POLQ: variants seen among roughly 807,000 people sequenced by gnomAD.
The protein encoded by POLQ is DNA polymerase theta.
Under a neutral mutation model 259.2 loss-of-function variants are expected in POLQ, and 233 were observed. The observed-to-expected ratio is 0.90, with a 90% CI of 0.81 to 1.00. The LOEUF is 1.00. Ranked by LOEUF, POLQ falls within the 50% of genes least tolerant of loss-of-function variation. The probability of loss-of-function intolerance (pLI) is 0.00; values close to 1 mark genes in which losing one functional copy is unlikely to be tolerated. For synonymous variants in POLQ, 1,025 were observed against 1,048.8 expected (o/e 0.98, Z 0.44); for missense variants, 2,871 against 3,051.6 (o/e 0.94, Z 1.39).
In POLQ at chr3:121,476,617, G is replaced by A; in HGVS notation, c.6328C>T (p.Leu2110=). 6.2e-7 allele frequency: 1 copy of A among 1,613,836 alleles called. No homozygotes were observed. ...TAGGCCTGGGTCTCAATTGCATCCAGCTTGGCTTGCATTATATGTTTCTGA... is the reference window on the plus strand; with the variant it reads ...TAGGCCTGGGTCTCAATTGCATCCAACTTGGCTTGCATTATATGTTTCTGA... ...ESQKHIMQAK[L]DAIETQAYQL... The change falls in exon 20 of 30, where the codon CTG becomes TTG. Residue 2110 remains leucine (L), a synonymous_variant. Transcript: ENST00000264233.
At chr3:121,513,615 A>G (rs1004389585) in intron 9 of POLQ, among the ~76,000 whole-genome samples, 1 of 149,164 alleles carries the variant, frequency 6.7e-6, no homozygotes, top group Non-Finnish European at 1.5e-5. Flanking sequence ...AAAAAAAAAA[A>G]AAAAAAAAAA....
chr3:121,446,114 T>C lies in POLQ; in HGVS notation c.7264+3201A>G, dbSNP rs72969951. ...CCTTCTTAGCACTGCTTTTGCTGTA[T>C]CCCATAGGTGTTGGTGTGTTGTATT... On this transcript the variant is annotated intron_variant, in intron 26 of 29. Coordinates refer to ENST00000264233, the MANE Select transcript of POLQ (RefSeq NM_199420.4). Among the ~76,000 whole-genome samples, 510 of 152,250 alleles carry C rather than the reference T, an allele frequency of 3.3e-3. 5 individuals carry two copies. Among genetic ancestry groups the C allele is most frequent in the African/African-American group, 0.012 (485 of 41,542 alleles).
chr3:121,521,881 C>T (rs1440990840), intron 8 of POLQ, 122 bp downstream of exon 8: 24 of 719,756 alleles, frequency 3.3e-5, no homozygotes, highest in Non-Finnish European at 4.6e-5. Flanking sequence ...CACACAATTT[C>T]TTAAAAAGAA....
At chr3:121,450,074 C>T (rs544816080) in intron 25 of POLQ, among the ~76,000 whole-genome samples, 1 of 151,786 alleles carries the variant, frequency 6.6e-6, no homozygotes, top group East Asian at 1.9e-4. Flanking sequence ...CTATCATTCA[C>T]AAAATGTATC....
chr3:121,478,681 T>C (rs982986276), intron 19 of POLQ, among the ~76,000 whole-genome samples: 2 of 149,360 alleles, frequency 1.3e-5, no homozygotes, highest in Non-Finnish European at 3.0e-5. Context: ...TTAAAAGGGA[T>C]AGAAAAAAGC....
chr3:121,457,701 G>C (rs2047754397), intron 25 of POLQ, among the ~76,000 whole-genome samples: 1 of 152,214 alleles, frequency 6.6e-6, no homozygotes, highest in Admixed American at 6.5e-5. Context: ...TCTCATACCA[G>C]TTAGAATGGC....
Position 121,511,993 on chromosome 3 carries a change from G to T in POLQ, c.1505C>A (p.Ser502Ter). The T allele has an allele frequency of 6.2e-7, 1 of 1,613,418 alleles. No individual in the cohort carries two copies. Among genetic ancestry groups the T allele is most frequent in the South Asian group, 1.1e-5 (1 of 90,980 alleles). ...SILICKNSEK[S>*]KGIALLQGSL... Reference sequence around the variant, plus strand: ...ACCCTGAAGGAGAGCTATGCCTTTTGATTTCTCAGAGTTCTTACAAATTAA... The same window carrying T: ...ACCCTGAAGGAGAGCTATGCCTTTTTATTTCTCAGAGTTCTTACAAATTAA... Residue 502 changes from serine (S) to a stop codon, truncating the protein, a stop_gained, in exon 10 of 30, where the codon TCA (serine) becomes TAA (stop). Coordinates refer to ENST00000264233, the MANE Select transcript of POLQ (RefSeq NM_199420.4). LOFTEE classifies it high-confidence loss of function.
chr3:121,452,388 G>A (rs2047685711), intron 25 of POLQ, among the ~76,000 whole-genome samples: 1 of 152,074 alleles, frequency 6.6e-6, no homozygotes, highest in African/African-American at 2.4e-5. Context: ...GTAGACTGGA[G>A]CTGTTCCAAT....
intron 7 of POLQ, among the ~76,000 whole-genome samples, chr3:121,526,418 C>A (rs773523249): frequency 1.4e-4 from 21 of 152,138 alleles, no homozygotes; most frequent in Non-Finnish European, 2.5e-4. Context: ...TGCATTTGCA[C>A]AAAACAAGAG....
At chr3:121,508,594 G>A (rs190359405) in intron 12 of POLQ, among the ~76,000 whole-genome samples, 52 of 152,264 alleles carry the variant, frequency 3.4e-4, no homozygotes, top group East Asian at 2.3e-3. Flanking sequence ...ATAGATGACC[G>A]GTGAAACCTG....
At chr3:121,454,101 T>G (rs1004938607) in intron 25 of POLQ, among the ~76,000 whole-genome samples, 2 of 152,210 alleles carry the variant, frequency 1.3e-5, no homozygotes, top group Non-Finnish European at 2.9e-5. Flanking sequence ...AAATGAATTT[T>G]CAACCCAGAA....
intron 19 of POLQ, among the ~76,000 whole-genome samples, chr3:121,478,415 C>T (rs2047944012): frequency 6.6e-6 from 1 of 151,860 alleles, no homozygotes; most frequent in African/African-American, 2.4e-5. Flanking sequence ...CCCAAAACTG[C>T]AGATAAGGAC....
At chr3:121,524,626 C>T (rs933009986) in intron 7 of POLQ, among the ~76,000 whole-genome samples, 2 of 152,036 alleles carry the variant, frequency 1.3e-5, no homozygotes, top group South Asian at 4.2e-4. Context: ...ACAAAAGACA[C>T]ATACATACTG....
At position 121,479,085 on chromosome 3, in the gene POLQ, C is replaced by T. The variant is rs924712272; in HGVS notation, c.6212-2352G>A. On this transcript the variant is annotated intron_variant, in intron 19 of 29. Transcript: ENST00000264233. ...ATTATACAACCATGTACTCGAACTA[C>T]AACACAATTAAGTTTAAATATAATA... Among the ~76,000 whole-genome samples the T allele has an allele frequency of 1.6e-4, 24 of 152,034 alleles. 1 individual carries two copies. Among genetic ancestry groups the T allele is most frequent in the African/African-American group, 5.3e-4 (22 of 41,484 alleles).
At position 121,485,103 on chromosome 3, in the gene POLQ, G is replaced by A. The variant is rs2048001199; in HGVS notation, c.5711C>T (p.Ala1904Val). 6.2e-7 allele frequency: 1 copy of A among 1,612,190 alleles called. No individual in the cohort carries two copies. Among genetic ancestry groups the A allele is most frequent in the Non-Finnish European group, 8.5e-7 (1 of 1,178,736 alleles). Residue 1904 changes from alanine to valine, a missense_variant, in exon 17 of 30, where the codon GCA becomes GTA. Physicochemically the swap from Ala to Val is moderately conservative, Grantham distance 64. Transcript: ENST00000264233. ...GGCATCCCTTCCACCCCAGCATACT[G>A]CCAGTCCAACCACCAAGGTGTCATC... ...GCDDTLVVGL[A>V]VCWGGRDAYY...
chr3:121,478,167 A>G (rs2047942171), intron 19 of POLQ, among the ~76,000 whole-genome samples: 1 of 151,972 alleles, frequency 6.6e-6, no homozygotes. Context: ...AGAGTCTCAG[A>G]CTCCTGTTCT....
chr3:121,468,632 G>GT (rs2108788279), intron 22 of POLQ, among the ~76,000 whole-genome samples: 1 of 152,286 alleles, frequency 6.6e-6, no homozygotes, highest in East Asian at 1.9e-4. Context: ...ATAAATGAAT[G>GT]TATGAATTGG....
At position 121,432,241 on chromosome 3, in the gene POLQ, C is replaced by T. The variant is rs1576394829; in HGVS notation, c.*63G>A. On this transcript the variant is annotated 3_prime_UTR_variant, in exon 30 of 30. Coordinates refer to ENST00000264233, the MANE Select transcript of POLQ (RefSeq NM_199420.4). The stretch of plus-strand genomic sequence containing the variant: ...GCTGAGGTAGGTGAAAGGGTAATCT[C>T]TGTTCTTTCCAGGTGACTGCATCTG... 6.8e-7 allele frequency: 1 copy of T among 1,476,510 alleles called. No homozygotes were observed. The highest frequency in any genetic ancestry group is 9.1e-7 in the Non-Finnish European group (1 of 1,102,402). 91.5% of individuals were successfully genotyped at this position (1,476,510 alleles called of 1,614,324 possible).
Position 121,542,448 on chromosome 3 carries a change from G to A in POLQ, c.344-969C>T, listed in dbSNP as rs76253777. On this transcript the variant is annotated intron_variant, in intron 2 of 29. Transcript: ENST00000264233. ...TGCCATGCCTAAGAAACAGCATATG[G>A]TACAAAGGCCTAGAAGAAAGCCTGG... Among the ~76,000 whole-genome samples the A allele has an allele frequency of 1.3e-3, 193 of 152,250 alleles. 1 individual carries two copies. Among genetic ancestry groups the A allele is most frequent in the African/African-American group, 4.3e-3 (180 of 41,538 alleles).
Sources: gnomAD v4.1 joint callset for allele counts (sites outside exome capture counted in the v4.1 genomes callset) on GRCh38, gnomAD v4.1.1 for gene constraint, MANE v1.5 for transcripts, NCBI Gene and HGNC (gene_info 2026-07-23, HGNC 2026-07-21) for gene names.